KCNK1: variants seen among roughly 807,000 people sequenced by gnomAD.
The protein encoded by KCNK1 is potassium channel subfamily K member 1.
Under a neutral mutation model 22.2 loss-of-function variants are expected in KCNK1, and 10 were observed. The ratio of observed to expected loss-of-function variants is 0.45; its 90% CI spans 0.28 to 0.76. The LOEUF (loss-of-function observed/expected upper bound fraction) is 0.76. Among genes scored for constraint, KCNK1 ranks in the 30% least tolerant of loss-of-function variants. KCNK1 has a pLI of 0.14. For missense variants in KCNK1, 378 were observed against 421.0 expected, an observed-to-expected ratio of 0.90 and a Z score of 0.89; for synonymous variants, 200 against 186.4, an observed-to-expected ratio of 1.07 and a Z score of -0.60.
intron 1 of KCNK1, among the ~76,000 whole-genome samples, chr1:233,639,017 G>A (rs1342466722): frequency 2.6e-5 from 4 of 152,136 alleles, no homozygotes; most frequent in African/African-American, 9.7e-5. Context: ...CAAGTCTTTG[G>A]AAGTCTTCTC....
At chr1:233,636,871 G>T (rs1657906677) in intron 1 of KCNK1, among the ~76,000 whole-genome samples, 1 of 152,160 alleles carries the variant, frequency 6.6e-6, no homozygotes, top group South Asian at 2.1e-4. Context: ...GTAGGTGGCA[G>T]GGAAGTGGAG....
intron 1 of KCNK1, among the ~76,000 whole-genome samples, chr1:233,662,842 A>G (rs1031317528): frequency 6.6e-6 from 1 of 152,204 alleles, no homozygotes; most frequent in African/African-American, 2.4e-5. Flanking sequence ...GTTATGTTCA[A>G]TCTTTTGGTT....
intron 1 of KCNK1, among the ~76,000 whole-genome samples, chr1:233,619,866 C>T (rs1029001840): frequency 2.0e-5 from 3 of 149,218 alleles, no homozygotes; most frequent in Non-Finnish European, 3.0e-5. Flanking sequence ...GCCAAGATCA[C>T]GCCACTGCAC....
At chr1:233,638,876 G>A (rs762353346) in intron 1 of KCNK1, among the ~76,000 whole-genome samples, 10 of 152,162 alleles carry the variant, frequency 6.6e-5, no homozygotes, top group Non-Finnish European at 1.3e-4. Context: ...GGCTCTGTGG[G>A]GTAGTGTGTA....
chr1:233,629,758 A>G (rs16859323), intron 1 of KCNK1: 3 of 152,194 alleles, frequency 2.0e-5, no homozygotes, highest in Non-Finnish European at 4.4e-5. Flanking sequence ...CCGTAGTCGC[A>G]GGGATGAAGG....
Position 233,623,566 on chromosome 1 carries a change from A to G in KCNK1, c.355+9040A>G, listed in dbSNP as rs182619084. Among the ~76,000 whole-genome samples, 7 of 152,350 alleles carry G rather than the reference A, an allele frequency of 4.6e-5. No individual in the cohort carries two copies. In the East Asian group the frequency reaches 1.3e-3, roughly 29 times the overall value. On this transcript the variant is annotated intron_variant, in intron 1 of 2. Coordinates refer to ENST00000366621, the MANE Select transcript of KCNK1 (RefSeq NM_002245.4). Reference sequence around the variant, plus strand: ...TAAATACGTAAAATTATTACGTGTCAGTTTTAAAAAGAAGAAAGAAACCTT... The same window carrying G: ...TAAATACGTAAAATTATTACGTGTCGGTTTTAAAAAGAAGAAAGAAACCTT...
chr1:233,626,504 C>T (rs1384466469), intron 1 of KCNK1, among the ~76,000 whole-genome samples: 2 of 152,030 alleles, frequency 1.3e-5, no homozygotes, highest in African/African-American at 2.4e-5. Context: ...TACAGCATGC[C>T]GTGATGTCAT....
chr1:233,646,627 G>A (rs530281139), intron 1 of KCNK1, among the ~76,000 whole-genome samples: 1 of 152,206 alleles, frequency 6.6e-6, no homozygotes, highest in East Asian at 1.9e-4. Flanking sequence ...TGGAAGGTCT[G>A]AAGGCCGAGT....
At chr1:233,643,854 CAG>C (rs959106728) in intron 1 of KCNK1, among the ~76,000 whole-genome samples, 8 of 152,170 alleles carry the variant, frequency 5.3e-5, no homozygotes, top group African/African-American at 1.9e-4. Context: ...AATATGAAAA[CAG>C]AAACAAAAAC....
chr1:233,651,355 A>C (rs1438958335), intron 1 of KCNK1, among the ~76,000 whole-genome samples: 1 of 152,196 alleles, frequency 6.6e-6, no homozygotes, highest in Non-Finnish European at 1.5e-5. Context: ...AAGGGTAGTG[A>C]TGGCTGCAGG....
At chr1:233,658,377 T>C (rs74145623) in intron 1 of KCNK1, among the ~76,000 whole-genome samples, 193 of 152,328 alleles carry the variant, frequency 1.3e-3, no homozygotes, top group African/African-American at 4.4e-3. Context: ...TTTGGCCAAA[T>C]TGCTTACTTT....
chr1:233,620,945 A>G (rs1657575958), intron 1 of KCNK1, among the ~76,000 whole-genome samples: 1 of 152,234 alleles, frequency 6.6e-6, no homozygotes, highest in Non-Finnish European at 1.5e-5. Flanking sequence ...CTGATGAGAT[A>G]TAGGTATCAT....
intron 1 of KCNK1, among the ~76,000 whole-genome samples, chr1:233,660,323 C>T (rs190788813): frequency 2.4e-4 from 37 of 152,130 alleles, no homozygotes; most frequent in Non-Finnish European, 4.3e-4. Flanking sequence ...TGAGAGTTAT[C>T]GTTTACATTA....
rs1468087935 is a variant in KCNK1 at position 233,671,494 on chromosome 1, G to A, written c.975G>A (p.Gln325=). The change falls in exon 3 of 3, where the codon CAG becomes CAA. Residue 325 remains glutamine, a synonymous_variant. Transcript: ENST00000366621. ...QKQNEPFVAT[Q]SSACVDGPAN... ...AAAATGAGCCTTTTGTGGCCACCCAGTCATCTGCCTGCGTGGATGGCCCTG... is the reference window on the plus strand; with the variant it reads ...AAAATGAGCCTTTTGTGGCCACCCAATCATCTGCCTGCGTGGATGGCCCTG... The A allele has an allele frequency of 6.2e-7, 1 of 1,614,144 alleles. No homozygotes were observed. The highest frequency in any genetic ancestry group is 1.1e-5 in the South Asian group (1 of 91,070).
At chr1:233,631,459 T>A (rs1657791471) in intron 1 of KCNK1, 1 of 372,322 alleles carries the variant, frequency 2.7e-6, no homozygotes, top group Admixed American at 3.1e-5. Flanking sequence ...TTCCCGTTTG[T>A]GCCCTGGTAT....
intron 1 of KCNK1, among the ~76,000 whole-genome samples, chr1:233,657,916 G>C (rs1006161540): frequency 6.6e-6 from 1 of 152,132 alleles, no homozygotes; most frequent in Non-Finnish European, 1.5e-5. Flanking sequence ...AGCTTAGAGA[G>C]AATGGAGAAA....
intron 1 of KCNK1, among the ~76,000 whole-genome samples, chr1:233,638,475 G>A (rs1266863908): frequency 6.6e-6 from 1 of 152,042 alleles, no homozygotes; most frequent in Non-Finnish European, 1.5e-5. Context: ...TTTTGCAGAA[G>A]GGAGAATGTT....
intron 1 of KCNK1, among the ~76,000 whole-genome samples, chr1:233,659,849 A>T (rs569946380): frequency 6.6e-6 from 1 of 152,328 alleles, no homozygotes; most frequent in South Asian, 2.1e-4. Context: ...CAATAAACAC[A>T]AACAAACATG....
chr1:233,661,263 G>T (rs1325126438), intron 1 of KCNK1, among the ~76,000 whole-genome samples: 2 of 152,122 alleles, frequency 1.3e-5, no homozygotes, highest in Admixed American at 6.6e-5. Context: ...AAAGTGCAAG[G>T]TTCTCATCTG....
Sources: gnomAD v4.1 joint callset for allele counts (sites outside exome capture counted in the v4.1 genomes callset) on GRCh38, gnomAD v4.1.1 for gene constraint, MANE v1.5 for transcripts, NCBI Gene and HGNC (gene_info 2026-07-23, HGNC 2026-07-21) for gene names.